Variants in PTPRN2 observed in about 807,000 individuals in gnomAD.
PTPRN2 encodes the protein protein tyrosine phosphatase receptor type N2.
PTPRN2 carries 74 observed loss-of-function variants against 118.8 expected under a neutral mutation model. The ratio of observed to expected loss-of-function variants is 0.62; its 90% confidence interval spans 0.52 to 0.76. PTPRN2 has a LOEUF of 0.76. PTPRN2 is among the 30% of genes least tolerant of loss of function. The probability of loss-of-function intolerance (pLI) is 0.00; values close to 1 mark genes in which losing one functional copy is unlikely to be tolerated. For missense variants in PTPRN2, 1,481 were observed against 1,394.4 expected, an observed-to-expected ratio of 1.06 and a Z score of -0.99; for synonymous variants, 641 against 608.0, an observed-to-expected ratio of 1.05 and a Z score of -0.80.
At chr7:158,213,275 T>C (rs1447335656) in intron 3 of PTPRN2, among the ~76,000 whole-genome samples, 1 of 150,052 alleles carries the variant, frequency 6.7e-6, no homozygotes, top group African/African-American at 2.5e-5. Context: ...CAGAACATGA[T>C]GAGAACCACA....
chr7:158,153,160 A>G (rs1257102664), intron 6 of PTPRN2, among the ~76,000 whole-genome samples: 1 of 152,158 alleles, frequency 6.6e-6, no homozygotes, highest in Non-Finnish European at 1.5e-5. Context: ...CAGTCTGAGG[A>G]GAGCCCAGGC....
chr7:158,474,282 G>A (rs1269737989), intron 2 of PTPRN2, among the ~76,000 whole-genome samples: 1 of 152,208 alleles, frequency 6.6e-6, no homozygotes, highest in Admixed American at 6.5e-5. Flanking sequence ...GGAAGGCCTT[G>A]GACCCCAGGA....
intron 14 of PTPRN2, among the ~76,000 whole-genome samples, chr7:157,645,873 G>C (rs892407380): frequency 6.6e-6 from 1 of 152,244 alleles, no homozygotes; most frequent in East Asian, 1.9e-4. Context: ...CCCGGGACTT[G>C]CTTGCTGGGA....
chr7:157,745,625 G>A (rs746675101), intron 12 of PTPRN2, among the ~76,000 whole-genome samples: 3 of 152,190 alleles, frequency 2.0e-5, no homozygotes, highest in Non-Finnish European at 4.4e-5. Flanking sequence ...GAGGCTGAGT[G>A]AGGGTGCCAG....
chr7:158,076,939 A>G (rs1373180347), intron 11 of PTPRN2, among the ~76,000 whole-genome samples: 1 of 152,264 alleles, frequency 6.6e-6, no homozygotes, highest in Admixed American at 6.5e-5. Context: ...GGAGCGGACC[A>G]GACTGTGAAG....
intron 4 of PTPRN2, among the ~76,000 whole-genome samples, chr7:158,194,589 C>T (rs1028175902): frequency 1.3e-5 from 2 of 152,234 alleles, no homozygotes; most frequent in African/African-American, 2.4e-5. Flanking sequence ...AAGACTCAGG[C>T]CTCCCTCATA....
intron 15 of PTPRN2, among the ~76,000 whole-genome samples, 183 bp from the exon 16 acceptor site, chr7:157,604,258 C>A (rs1451172770): frequency 6.6e-6 from 1 of 152,226 alleles, no homozygotes; most frequent in Non-Finnish European, 1.5e-5. Context: ...CAGTGTGGGA[C>A]CCCTGCCCGG....
intron 2 of PTPRN2, among the ~76,000 whole-genome samples, chr7:158,358,967 G>C (rs1808611669): frequency 6.6e-6 from 1 of 152,226 alleles, no homozygotes; most frequent in South Asian, 2.1e-4. Flanking sequence ...TTTAAGAAGT[G>C]ATAAAAGGTT....
intron 6 of PTPRN2, among the ~76,000 whole-genome samples, chr7:158,146,745 A>G (rs1173380220): frequency 6.6e-6 from 1 of 151,564 alleles, no homozygotes; most frequent in Non-Finnish European, 1.5e-5. Flanking sequence ...AGAAAGAAAA[A>G]AGAAACAATA....
intron 12 of PTPRN2, among the ~76,000 whole-genome samples, chr7:157,689,476 C>T (rs1797363867): frequency 6.6e-6 from 1 of 152,208 alleles, no homozygotes; most frequent in Admixed American, 6.5e-5. Context: ...CAGCCCGCAG[C>T]GCCCAGCTCA....
At chr7:158,433,635 T>G (rs1301298186) in intron 2 of PTPRN2, among the ~76,000 whole-genome samples, 1 of 152,260 alleles carries the variant, frequency 6.6e-6, no homozygotes, top group Non-Finnish European at 1.5e-5. Flanking sequence ...TATTCACATC[T>G]TTTAAAGAAG....
intron 3 of PTPRN2, among the ~76,000 whole-genome samples, chr7:158,288,552 C>T (rs1799904401): frequency 6.6e-6 from 1 of 152,158 alleles, no homozygotes; most frequent in Non-Finnish European, 1.5e-5. Flanking sequence ...ACTTTGATCA[C>T]ATTTTTAAAA....
chr7:158,014,685 T>A (rs1281201021), intron 11 of PTPRN2, among the ~76,000 whole-genome samples: 1 of 150,234 alleles, frequency 6.7e-6, no homozygotes, highest in East Asian at 2.0e-4. Flanking sequence ...ACCCATCCAT[T>A]TCTCCCTCTG....
intron 3 of PTPRN2, among the ~76,000 whole-genome samples, chr7:158,210,534 A>G (rs1329170630): frequency 6.6e-6 from 1 of 152,206 alleles, no homozygotes; most frequent in Non-Finnish European, 1.5e-5. Context: ...AATGAAACAA[A>G]AAGTTGGTTT....
At chr7:157,693,539 G>C (rs1466705921) in intron 12 of PTPRN2, among the ~76,000 whole-genome samples, 1 of 152,110 alleles carries the variant, frequency 6.6e-6, no homozygotes, top group Admixed American at 6.5e-5. Flanking sequence ...GGGCACCGGG[G>C]AGTGGGCGGG....
At chr7:158,313,426 C>T (rs1028693413) in intron 3 of PTPRN2, among the ~76,000 whole-genome samples, 12 of 152,214 alleles carry the variant, frequency 7.9e-5, no homozygotes, top group Admixed American at 7.8e-4. Flanking sequence ...GCCCAGGACA[C>T]ACAGTCCCTG....
chr7:158,261,914 G>C (rs1797427312), intron 3 of PTPRN2, among the ~76,000 whole-genome samples: 1 of 152,228 alleles, frequency 6.6e-6, no homozygotes, highest in Admixed American at 6.5e-5. Context: ...CAGGAGGGAG[G>C]AATCTAGGAG....
intron 1 of PTPRN2, among the ~76,000 whole-genome samples, chr7:158,521,626 G>A (rs1824046947): frequency 8.2e-6 from 1 of 121,370 alleles, no homozygotes; most frequent in African/African-American, 3.6e-5. Context: ...GGCTCAGGAG[G>A]GAGGTCCACG....
chr7:157,733,316 C>T (rs1353418890), intron 12 of PTPRN2, among the ~76,000 whole-genome samples: 2 of 52,134 alleles, frequency 3.8e-5, no homozygotes, highest in African/African-American at 2.0e-4. Flanking sequence ...CCGTCCCACG[C>T]GCCCAGCACA....
Sources: gnomAD v4.1 joint callset for allele counts (sites outside exome capture counted in the v4.1 genomes callset) on GRCh38, gnomAD v4.1.1 for gene constraint, MANE v1.5 for transcripts, NCBI Gene and HGNC (gene_info 2026-07-23, HGNC 2026-07-21) for gene names.